PLOD3: variants seen among roughly 807,000 people sequenced by gnomAD.
The protein encoded by PLOD3 is multifunctional procollagen lysine hydroxylase and glycosyltransferase LH3.
A neutral mutation model predicts 96.9 loss-of-function variants in PLOD3; 73 were observed. That is an observed-to-expected ratio of 0.75 (90% CI 0.62 to 0.92). The LOEUF (loss-of-function observed/expected upper bound fraction) is 0.92. Among genes scored for constraint, PLOD3 ranks in the 40% least tolerant of loss-of-function variants. The pLI is 0.00. For missense variants in PLOD3, 1,004 were observed against 1,004.3 expected, an observed-to-expected ratio of 1.00 and a Z score of 0.00; for synonymous variants, 454 against 413.7, an observed-to-expected ratio of 1.10 and a Z score of -1.18.
At chr7:101,217,134 C>A (rs1798290998) in intron 1 of PLOD3, 32 bp downstream of exon 1, 3 of 1,445,002 alleles carry the variant, frequency 2.1e-6, no homozygotes, top group East Asian at 2.5e-5. Flanking sequence ...CCTCTGCCCC[C>A]TCGGCCGTGC....
At chr7:101,211,239 G>A in intron 12 of PLOD3, 1 of 256,242 alleles carries the variant, frequency 3.9e-6, no homozygotes, top group Admixed American at 4.9e-5. Context: ...GAGTGCAGTG[G>A]TGGAAACATG....
rs777291237 is a variant in PLOD3 at position 101,206,357 on chromosome 7, C to T, written c.2141G>A (p.Arg714His). The T allele has an allele frequency of 1.1e-5, 18 of 1,613,612 alleles. No individual in the cohort carries two copies. The highest frequency in any genetic ancestry group is 8.0e-5 in the African/African-American group (6 of 74,926). ...CAGCCCCTCGTGGTAGTGGGTGAGG[C>T]GGCCGGGGTGCAGGAGTGCCCAGCC... ...RKGWALLHPG[R>H]LTHYHEGLPT... Residue 714 changes from arginine to histidine, a missense_variant, in exon 19 of 19, where the codon CGC (arginine) becomes CAC (histidine). Around this residue, in one of 5 missense-constraint regions of PLOD3, gnomAD observed 222 missense variants for 220.4 expected, o/e 1.01. Transcript: ENST00000223127.
At chr7:101,213,050 T>A in intron 7 of PLOD3, 57 bp downstream of exon 7, 1 of 984,520 alleles carries the variant, frequency 1.0e-6, no homozygotes, top group Admixed American at 2.2e-5. Flanking sequence ...TCAGAAGGGT[T>A]GGAGGTGCCT....
chr7:101,211,988 G>A, intron 10 of PLOD3, 38 bp from the exon 11 acceptor site: 1 of 1,432,270 alleles, frequency 7.0e-7, no homozygotes, highest in Non-Finnish European at 9.7e-7. Context: ...CGGCAGGTGG[G>A]GAGGCGGTGT....
chr7:101,213,037 T>A, intron 7 of PLOD3, 70 bp downstream of exon 7: 1 of 1,375,194 alleles, frequency 7.3e-7, no homozygotes, highest in Admixed American at 1.7e-5. Flanking sequence ...AAGGGCCAGC[T>A]TCTCAGAAGG....
intron 7 of PLOD3, 40 bp from the exon 8 acceptor site, chr7:101,212,983 A>G (rs1476485092): frequency 1.3e-5 from 18 of 1,435,462 alleles, no homozygotes; most frequent in Non-Finnish European, 1.5e-5. Context: ...TGAGGCCTCC[A>G]GGGGTGGAGG....
In PLOD3 at chr7:101,213,176, G is replaced by A; in HGVS notation, c.708C>T (p.Asn236=). 6.2e-7 allele frequency: 1 copy of A among 1,613,576 alleles called. No individual in the cohort carries two copies. Among genetic ancestry groups the A allele is most frequent in the Non-Finnish European group, 8.5e-7 (1 of 1,179,558 alleles). The change falls in exon 7 of 19, where the codon AAC becomes AAT. Residue 236 remains asparagine, a synonymous_variant. Coordinates refer to ENST00000223127, the MANE Select transcript of PLOD3 (RefSeq NM_001084.5). Reference sequence around the variant, plus strand: ...AGGCCACGTTCCGGATACGCACACGGTTCCGATCAAACTTTAAAACCACTT... The same window carrying A: ...AGGCCACGTTCCGGATACGCACACGATTCCGATCAAACTTTAAAACCACTT... ...LDEVVLKFDR[N]RVRIRNVAYD...
chr7:101,207,415 G>A (rs1798105990), intron 17 of PLOD3, among the ~76,000 whole-genome samples, 163 bp downstream of exon 17: 1 of 152,090 alleles, frequency 6.6e-6, no homozygotes, highest in African/African-American at 2.4e-5. Context: ...TCAGCCTGGC[G>A]CCCTCCCTCC....
rs778651593 is a variant in PLOD3 at position 101,210,677 on chromosome 7, G to A, written c.1359-4C>T. ...GTATGGTACATTCCACACACCCCTG[G>A]AGGCACCGACACCGCGGTCAGCTGG... On this transcript the variant is annotated splice_polypyrimidine_tract_variant and splice_region_variant and intron_variant, in intron 12 of 18. Transcript: ENST00000223127. 7.4e-6 allele frequency: 12 copies of A among 1,613,474 alleles called. No homozygotes were observed. Among genetic ancestry groups the A allele is most frequent in the East Asian group, 2.2e-5 (1 of 44,876 alleles).
At chr7:101,210,774 G>A in intron 12 of PLOD3, 101 bp from the exon 13 acceptor site, 2 of 1,321,990 alleles carry the variant, frequency 1.5e-6, no homozygotes, top group Non-Finnish European at 2.1e-6. Flanking sequence ...CCCAGTCCCT[G>A]AACATAAGGC....
At chr7:101,209,901 A>T in intron 15 of PLOD3, 192 bp downstream of exon 15, 2 of 578,582 alleles carry the variant, frequency 3.5e-6, no homozygotes, top group South Asian at 2.2e-5. Flanking sequence ...ATACAGGAGA[A>T]GAGGCTGTCT....
In PLOD3 at chr7:101,208,857, T is replaced by A; in HGVS notation, c.1784A>T (p.His595Leu). Residue 595 changes from histidine to leucine, a missense_variant, in exon 16 of 19, where the codon CAT becomes CTT. Physicochemically the swap from His to Leu is moderately conservative, Grantham distance 99 (BLOSUM62 -3). Around this residue, in one of 5 missense-constraint regions of PLOD3, gnomAD observed 222 missense variants for 220.4 expected, o/e 1.01. Coordinates refer to ENST00000223127, the MANE Select transcript of PLOD3 (RefSeq NM_001084.5). ...EHYGQWSGGRHEDSRLAGGYE... is the reference protein window; with the variant it reads ...EHYGQWSGGRLEDSRLAGGYE... ...CCTCCTCGCCCAGGCCCTTACCTCA[T>A]GCCGGCCGCCTGACCACTGGCCGTA... 6.2e-7 allele frequency: 1 copy of A among 1,609,194 alleles called. No homozygotes were observed. The highest frequency in any genetic ancestry group is 8.5e-7 in the Non-Finnish European group (1 of 1,175,556).
chr7:101,216,909 A>C, intron 1 of PLOD3, 123 bp from the exon 2 acceptor site: 1 of 795,576 alleles, frequency 1.3e-6, no homozygotes, highest in Non-Finnish European at 2.1e-6. Context: ...AACTCTTCTC[A>C]CCCAGGAACA....
intron 6 of PLOD3, chr7:101,213,469 C>T (rs1395834643): frequency 1.9e-6 from 1 of 532,036 alleles, no homozygotes; most frequent in Admixed American, 3.2e-5. Flanking sequence ...GTAGGAGCCT[C>T]AGCATCCCTA....
chr7:101,212,853 G>A lies in PLOD3; in HGVS notation c.868C>T (p.Pro290Ser), dbSNP rs1299124702. The change falls in exon 8 of 19, where the codon CCG becomes TCG. Residue 290 changes from proline to serine, a missense_variant. This residue lies in a region of PLOD3 where 690 missense variants were observed against 650.2 expected (regional missense o/e 1.06). Transcript: ENST00000223127. The stretch of plus-strand genomic sequence containing the variant: ...CACCCCCACCTCACCTGCCCCCCCG[G>A]GAGTGTCCTCCGGTCCTGGTTGCAG... Reference protein sequence around the residue: ...GFCNQDRRTLPGGQPPPRVFL... With the variant: ...GFCNQDRRTLSGGQPPPRVFL... The A allele has an allele frequency of 1.9e-6, 3 of 1,612,052 alleles. No individual in the cohort carries two copies. The highest frequency in any genetic ancestry group is 2.5e-6 in the Non-Finnish European group (3 of 1,178,558).
rs1229814932 is a variant in PLOD3, at chr7:101,216,394, T to A, written c.338+16A>T. ...CTCAGCATCCTTACCCCGCTCCCTA[T>A]CCCCAGCCCCGTTACCTATCCACAA... On this transcript the variant is annotated intron_variant, in intron 3 of 18. Coordinates refer to ENST00000223127, the MANE Select transcript of PLOD3 (RefSeq NM_001084.5). 9 of 1,613,986 alleles carry A rather than the reference T, an allele frequency of 5.6e-6. No individual in the cohort carries two copies. The highest frequency in any genetic ancestry group is 7.6e-6 in the Non-Finnish European group (9 of 1,179,934).
rs886467626 is a variant in PLOD3, at chr7:101,217,219, GGCAGCAGCA to G, written c.47_55del (p.Leu16_Leu18del). The G allele has an allele frequency of 1.3e-6, 2 of 1,503,928 alleles. No homozygotes were observed. The highest frequency in any genetic ancestry group is 2.8e-5 in the African/African-American group (2 of 70,234). The allele number at this position is 1,503,928 out of a possible 1,614,324, so 93.2% of individuals were successfully genotyped here. A position where few individuals can be genotyped will look rare whatever the true frequency, so the allele number is the denominator to read the frequency against. ...CCGGTCGGAGGCTGAGGCCGCAGGGGGCAGCAGCAGCGGCAGCAGCAGCAGGAACCGGGG... is the reference window on the plus strand; with the variant it reads ...CCGGTCGGAGGCTGAGGCCGCAGGGGGCGGCAGCAGCAGCAGGAACCGGGG... On this transcript the variant is annotated inframe_deletion, in exon 1 of 19. Transcript: ENST00000223127.
At position 101,212,663 on chromosome 7, in the gene PLOD3, A is replaced by G; in HGVS notation, c.880-8T>C. 1 of 1,613,500 alleles carries G rather than the reference A, an allele frequency of 6.2e-7. No individual in the cohort carries two copies. The highest frequency in any genetic ancestry group is 1.3e-5 in the African/African-American group (1 of 74,940). On this transcript the variant is annotated splice_region_variant and splice_polypyrimidine_tract_variant and intron_variant, in intron 8 of 18. Transcript: ENST00000223127. ...AAACACCCGGGGGGGAGGCTGGAAG[A>G]TGCAACACGCAGGGACTCAGAGAGA...
At chr7:101,209,552 GTTTTTT>G (rs11295764) in intron 15 of PLOD3, among the ~76,000 whole-genome samples, 1 of 110,334 alleles carries the variant, frequency 9.1e-6, no homozygotes, top group African/African-American at 3.4e-5. Flanking sequence ...TAATTTTTGT[GTTTTTT>G]TTTTTTTTTT....
Sources: gnomAD v4.1 joint callset for allele counts (sites outside exome capture counted in the v4.1 genomes callset) on GRCh38, gnomAD v4.1.1 for gene constraint, gnomAD v4.1.1 regional missense constraint, MANE v1.5 for transcripts, NCBI Gene and HGNC (gene_info 2026-07-23, HGNC 2026-07-21) for gene names.